Variants in ADGRV1 observed in about 807,000 individuals in gnomAD.
The protein encoded by ADGRV1 is adhesion G protein-coupled receptor V1, also known as G-protein coupled receptor 98.
A neutral mutation model predicts 596.2 loss-of-function variants in ADGRV1; 359 were observed. That is an observed-to-expected ratio of 0.60 (90% CI 0.55 to 0.66). The LOEUF is 0.66. ADGRV1 is among the 30% of genes least tolerant of loss of function. The pLI is 0.00. For synonymous variants in ADGRV1, 2,681 were observed against 2,679.2 expected (o/e 1.00, Z -0.02); for missense variants, 7,274 against 7,575.6 (o/e 0.96, Z 1.48).
intron 78 of ADGRV1, 57 bp downstream of exon 78, chr5:90,841,042 C>A: frequency 8.7e-7 from 1 of 1,152,874 alleles, no homozygotes; most frequent in South Asian, 2.3e-5. Flanking sequence ...ATTTAAAAAC[C>A]CAAGTAAAAC....
At position 90,628,774 on chromosome 5, in the gene ADGRV1, T is replaced by G. The variant is rs2149381776; in HGVS notation, c.1451T>G (p.Leu484Arg). The G allele has an allele frequency of 1.2e-6, 2 of 1,614,016 alleles. No homozygotes were observed. Among genetic ancestry groups the G allele is most frequent in the Non-Finnish European group, 1.7e-6 (2 of 1,179,872 alleles). ...DDLPEEAEAY[L>R]LQILPHTIRG... is the part of the protein sequence containing the mutation. ...CTTCCAGAAGAGGCAGAAGCTTATC[T>G]ACTTCAAATTCTGCCTCATACAATA... Residue 484 changes from leucine to arginine, a missense_variant, in exon 8 of 90, where the codon CTA (leucine) becomes CGA (arginine). Around this residue, in one of 5 missense-constraint regions of ADGRV1, gnomAD observed 1,715 missense variants for 1,708.8 expected, o/e 1.00. Transcript: ENST00000405460.
chr5:90,728,311 G>A (rs529149048), intron 48 of ADGRV1, among the ~76,000 whole-genome samples: 26 of 152,190 alleles, frequency 1.7e-4, no homozygotes, highest in South Asian at 1.7e-3. Context: ...TTCTTATTCC[G>A]TTCTAAATTT....
Position 90,908,968 on chromosome 5 carries a change from G to T in ADGRV1, c.17856+45111G>T, listed in dbSNP as rs140412903. ...AAGTAGGATTTTAGAGTGATTTTAA[G>T]GATGAGTAGGAGAGGAGTATATTGC... On this transcript the variant is annotated intron_variant, in intron 83 of 89. Transcript: ENST00000405460. 2.4e-3 allele frequency among the ~76,000 whole-genome samples: 368 copies of T among 152,296 alleles called. 2 individuals are homozygous for T. The highest frequency in any genetic ancestry group is 8.0e-3 in the African/African-American group (334 of 41,560).
chr5:90,718,114 A>G (rs1021818899), intron 43 of ADGRV1: 4 of 152,220 alleles, frequency 2.6e-5, no homozygotes, highest in Admixed American at 2.0e-4. Flanking sequence ...TTCCAAGGAC[A>G]AACTCTGTGC....
intron 77 of ADGRV1, among the ~76,000 whole-genome samples, chr5:90,831,611 T>C (rs1375551970): frequency 6.6e-6 from 1 of 152,100 alleles, no homozygotes; most frequent in African/African-American, 2.4e-5. Flanking sequence ...GTACAATAAA[T>C]TATTGTTGAC....
At chr5:90,811,389 T>G in intron 74 of ADGRV1, 51 bp downstream of exon 74, 2 of 1,458,226 alleles carry the variant, frequency 1.4e-6, no homozygotes, top group Non-Finnish European at 1.8e-6. Flanking sequence ...GGTACATAAT[T>G]TGTATTAAGG....
intron 29 of ADGRV1, 57 bp downstream of exon 29, chr5:90,686,052 A>C: frequency 2.7e-6 from 3 of 1,106,000 alleles, no homozygotes; most frequent in Non-Finnish European, 3.6e-6. Context: ...ACAGAGGGAC[A>C]TGTATCCTTG....
In ADGRV1 at chr5:90,783,176, T is replaced by C. The variant is rs778819067; in HGVS notation, c.13284T>C (p.Thr4428=). Residue 4428 remains threonine, a synonymous_variant, in exon 66 of 90, where the codon ACT becomes ACC. Transcript: ENST00000405460. ...IMIPVVRLHG[T]YGYVTADFIS... is the part of the protein sequence containing the mutation. The stretch of plus-strand genomic sequence containing the variant: ...TCCCAGTGGTGAGGCTACATGGAAC[T>C]TATGGCTATGTGACAGCTGATTTCA... 32 of 1,613,592 alleles carry C rather than the reference T, an allele frequency of 2.0e-5. No individual in the cohort carries two copies. The highest frequency in any genetic ancestry group is 1.1e-4 in the South Asian group (10 of 91,082).
At chr5:90,716,810 T>A in intron 43 of ADGRV1, 81 bp downstream of exon 43, 1 of 1,019,800 alleles carries the variant, frequency 9.8e-7, no homozygotes, top group Non-Finnish European at 1.4e-6. Context: ...AGCACTCAAG[T>A]CCTAGAATGA....
intron 83 of ADGRV1, among the ~76,000 whole-genome samples, chr5:90,947,630 G>A (rs910282585): frequency 2.0e-5 from 3 of 151,974 alleles, no homozygotes; most frequent in Non-Finnish European, 4.4e-5. Context: ...TATGAAAGAA[G>A]GCCCAGAACA....
rs1795898605 is a variant in ADGRV1 at position 91,149,999 on chromosome 5, C to CT, written c.18433-27dup. 38 of 1,388,598 alleles carry CT rather than the reference C, an allele frequency of 2.7e-5. No individual in the cohort carries two copies. The East Asian group carries it at 6.3e-4, about 23-fold the overall frequency. 86.0% of individuals were successfully genotyped at this position (1,388,598 alleles called of 1,614,324 possible). A position where few individuals can be genotyped will look rare whatever the true frequency, so the allele number is the denominator to read the frequency against. ...ACATGCTGATGTTCTTTTTCTTTTT[C>CT]TTTTCTTTTCTTTTTTTTTTTTTTT... On this transcript the variant is annotated intron_variant, in intron 87 of 89. Transcript: ENST00000405460.
chr5:91,001,105 G>A (rs1781820834), intron 85 of ADGRV1, among the ~76,000 whole-genome samples: 1 of 152,084 alleles, frequency 6.6e-6, no homozygotes, highest in African/African-American at 2.4e-5. Context: ...TTTTGAGACA[G>A]GGTCTCATGT....
intron 86 of ADGRV1, among the ~76,000 whole-genome samples, chr5:91,089,901 G>T (rs1790234357): frequency 6.6e-6 from 1 of 152,118 alleles, no homozygotes; most frequent in Non-Finnish European, 1.5e-5. Flanking sequence ...GCTGTTAGCT[G>T]CCTGAGCATG....
At chr5:90,822,880 T>C (rs1361520680) in intron 75 of ADGRV1, among the ~76,000 whole-genome samples, 3 of 152,176 alleles carry the variant, frequency 2.0e-5, no homozygotes, top group African/African-American at 7.2e-5. Context: ...TATTTTATTC[T>C]CTTTGAAGCA....
chr5:90,993,356 A>C (rs1562058889), intron 85 of ADGRV1, among the ~76,000 whole-genome samples: 1 of 151,588 alleles, frequency 6.6e-6, no homozygotes, highest in Non-Finnish European at 1.5e-5. Flanking sequence ...ACGGGGTTTC[A>C]CCATATTGGC....
At chr5:90,815,792 T>A in intron 75 of ADGRV1, 56 bp downstream of exon 75, 1 of 1,009,270 alleles carries the variant, frequency 9.9e-7, no homozygotes, top group Non-Finnish European at 1.5e-6. Context: ...TGTACAAATG[T>A]AATTTCAATT....
chr5:91,139,293 G>T (rs553105381), intron 87 of ADGRV1, among the ~76,000 whole-genome samples: 3 of 152,222 alleles, frequency 2.0e-5, no homozygotes, highest in South Asian at 4.1e-4. Context: ...TAAAGTTTTT[G>T]AGTTTTTTTC....
intron 85 of ADGRV1, among the ~76,000 whole-genome samples, chr5:91,056,531 T>G (rs1254835613): frequency 6.6e-6 from 1 of 152,144 alleles, no homozygotes; most frequent in African/African-American, 2.4e-5. Flanking sequence ...GAATTTTCTT[T>G]CAGTCAGCTC....
At chr5:90,675,728 T>C (rs368634955) in intron 24 of ADGRV1, among the ~76,000 whole-genome samples, 37 of 151,938 alleles carry the variant, frequency 2.4e-4, no homozygotes, top group African/African-American at 8.4e-4. Context: ...TTCAAGGCTA[T>C]AGTGAGCTAT....
Sources: gnomAD v4.1 joint callset for allele counts (sites outside exome capture counted in the v4.1 genomes callset) on GRCh38, gnomAD v4.1.1 for gene constraint, gnomAD v4.1.1 regional missense constraint, MANE v1.5 for transcripts, NCBI Gene and HGNC (gene_info 2026-07-23, HGNC 2026-07-21) for gene names.